The following MX1 variants were observed in gnomAD, a reference collection of about 807,000 sequenced individuals.
MX1 encodes MX dynamin like GTPase 1, also known as interferon-induced GTP-binding protein Mx1.
MX1 carries 66 observed loss-of-function variants against 66.4 expected under a neutral mutation model. The observed-to-expected ratio is 0.99, with a 90% CI of 0.82 to 1.22. The LOEUF (loss-of-function observed/expected upper bound fraction) is 1.22. MX1 is among the 50% of genes most tolerant of loss of function. The probability of loss-of-function intolerance (pLI) is 0.00; values close to 1 mark genes in which losing one functional copy is unlikely to be tolerated. For synonymous variants in MX1, 311 were observed against 318.1 expected (o/e 0.98, Z 0.24); for missense variants, 787 against 834.3 (o/e 0.94, Z 0.70).
intron 13 of MX1, among the ~76,000 whole-genome samples, chr21:41,447,885 G>T (rs1406526547): frequency 6.6e-6 from 1 of 152,060 alleles, no homozygotes; most frequent in Non-Finnish European, 1.5e-5. Context: ...GGGATTATAG[G>T]CACCTGTCTA....
rs2146213106 is a variant in MX1 at position 41,440,928 on chromosome 21, A to G, written c.633A>G (p.Thr211=). The change falls in exon 9 of 17, where the codon ACA becomes ACG. Residue 211 remains threonine, a synonymous_variant. Transcript: ENST00000398598. ...LIKKYIQRQE[T]ISLVVVPSNV... The stretch of plus-strand genomic sequence containing the variant: ...AGAAGTACATCCAGAGGCAGGAGAC[A>G]ATCAGCCTGGTGGTGGTCCCCAGTA... 1.2e-6 allele frequency: 2 copies of G among 1,614,202 alleles called. No individual in the cohort carries two copies. The highest frequency in any genetic ancestry group is 1.7e-6 in the Non-Finnish European group (2 of 1,180,010).
In MX1 at chr21:41,458,749, C is replaced by G. The variant is rs768798278; in HGVS notation, c.1980C>G (p.Phe660Leu). 7.4e-6 allele frequency: 12 copies of G among 1,610,978 alleles called. No homozygotes were observed. The South Asian group carries it at 1.3e-4, about 18-fold the overall frequency. The change falls in exon 17 of 17, where the codon TTC becomes TTG. Residue 660 changes from phenylalanine to leucine, a missense_variant. Transcript: ENST00000398598. ...AGGCTCGGCGCCGGCTTGCCCAGTT[C>G]CCCGGTTAACCACACTCTGTCCAGC... ...LTQARRRLAQ[F>L]PG
chr21:41,443,514 TGATGA>T, intron 10 of MX1: 1 of 471,410 alleles, frequency 2.1e-6, no homozygotes, highest in Admixed American at 3.6e-5. Flanking sequence ...TGTATTTTTG[TGATGA>T]CCAAGTCTAT....
intron 16 of MX1, among the ~76,000 whole-genome samples, chr21:41,453,902 G>A (rs1436619645): frequency 0.052 from 3 of 58 alleles, no homozygotes; most frequent in Non-Finnish European, 0.083. Flanking sequence ...AGAAATGCCT[G>A]AGTTAAGGCA....
chr21:41,429,689 G>C (rs1014330385), intron 3 of MX1: 6 of 152,004 alleles, frequency 3.9e-5, no homozygotes, highest in African/African-American at 1.5e-4. Flanking sequence ...GGCAGATTAC[G>C]AGGTCAGGAA....
upstream of MX1, among the ~76,000 whole-genome samples, chr21:41,423,951 G>A (rs1461595540): frequency 5.9e-5 from 9 of 152,304 alleles, no homozygotes; most frequent in South Asian, 1.4e-3. Context: ...CCTGGCTGAG[G>A]TTGTGCCTCT....
chr21:41,438,249 TA>T (rs925352548), intron 7 of MX1, among the ~76,000 whole-genome samples: 27 of 152,272 alleles, frequency 1.8e-4, no homozygotes, highest in African/African-American at 6.3e-4. Context: ...GATTTTGAAT[TA>T]GTTGGGATTA....
intron 10 of MX1, among the ~76,000 whole-genome samples, chr21:41,443,300 T>C (rs1179915970): frequency 6.6e-6 from 1 of 152,228 alleles, no homozygotes; most frequent in East Asian, 1.9e-4. Context: ...GATACTTGAC[T>C]TCCTTCCTCC....
At position 41,446,280 on chromosome 21, in the gene MX1, G is replaced by C; in HGVS notation, c.1273+139G>C. The C allele has an allele frequency of 6.2e-6, 5 of 806,244 alleles. No homozygotes were observed. The East Asian group carries it at 1.4e-4, about 22-fold the overall frequency. 49.9% of individuals were successfully genotyped at this position (806,244 alleles called of 1,614,324 possible). On this transcript the variant is annotated intron_variant, in intron 13 of 16. Coordinates refer to ENST00000398598, the MANE Select transcript of MX1 (RefSeq NM_002462.5). ...TAAGGAATCAGGAAATTTGGTGTCT[G>C]GTGAGAGCTTGTTCTCTGCTTCAAA...
intron 7 of MX1, 53 bp from the exon 8 acceptor site, chr21:41,439,641 A>C (rs752157687): frequency 6.4e-7 from 1 of 1,553,192 alleles, no homozygotes; most frequent in African/African-American, 1.4e-5. Flanking sequence ...CCATCATGAG[A>C]TCCGTTTATC....
intron 13 of MX1, among the ~76,000 whole-genome samples, chr21:41,448,884 C>T (rs1361905179): frequency 6.6e-6 from 1 of 151,552 alleles, no homozygotes; most frequent in Non-Finnish European, 1.5e-5. Context: ...TGGCTCTGCA[C>T]TCCCCTTCCT....
At chr21:41,427,131 ATGCTAACCGC>A (rs1416240459) in intron 1 of MX1, 65 bp from the exon 2 acceptor site, 10 of 152,266 alleles carry the variant, frequency 6.6e-5, no homozygotes, top group Admixed American at 1.3e-4. Flanking sequence ...GAGTCCAGTG[ATGCTAACCGC>A]GCCTCTACCT....
Position 41,441,106 on chromosome 21 carries a change from G to A in MX1, c.730+81G>A, listed in dbSNP as rs2090498681. ...TCGGTGAGAATGGGGGAGCCCACCT[G>A]TGCTCGGTGAGAATGGGGGAGCCCG... On this transcript the variant is annotated intron_variant, in intron 9 of 16. Transcript: ENST00000398598. The surrounding 1 kb of genome is among the most constrained non-coding windows in gnomAD (Gnocchi z 4.0). 2 of 1,290,798 alleles carry A rather than the reference G, an allele frequency of 1.5e-6. No homozygotes were observed. The highest frequency in any genetic ancestry group is 4.6e-5 in the Admixed American group (2 of 43,478). The allele number at this position is 1,290,798 out of a possible 1,614,324, so 80.0% of individuals were successfully genotyped here.
intron 11 of MX1, 148 bp downstream of exon 11, chr21:41,444,014 G>C: frequency 1.4e-6 from 1 of 734,668 alleles, no homozygotes. Context: ...TCTGGAGTGG[G>C]GCCTAGAATT....
rs143244310 is a variant in MX1, at chr21:41,452,719, G to C, written c.1608G>C (p.Gln536His). 4.6e-5 allele frequency: 75 copies of C among 1,614,166 alleles called. No homozygotes were observed. In the African/African-American group the frequency reaches 8.1e-4, roughly 17 times the overall value. The change falls in exon 16 of 17, where the codon CAG becomes CAC. Residue 536 changes from glutamine (Q) to histidine (H), a missense_variant. Transcript: ENST00000398598. Reference sequence around the variant, plus strand: ...AACAGATTGTCTACTGCCAGGACCAGGTATACAGGGGTGCATTGCAGAAGG... The same window carrying C: ...AACAGATTGTCTACTGCCAGGACCACGTATACAGGGGTGCATTGCAGAAGG... ...QMEQIVYCQD[Q>H]VYRGALQKVR...
chr21:41,436,855 C>G (rs1413130274), intron 6 of MX1, among the ~76,000 whole-genome samples, 160 bp from the exon 7 acceptor site: 1 of 152,204 alleles, frequency 6.6e-6, no homozygotes, highest in Non-Finnish European at 1.5e-5. Flanking sequence ...CACCCAGACA[C>G]AGTGCGATGT....
intron 7 of MX1, among the ~76,000 whole-genome samples, chr21:41,437,612 G>A (rs2090400823): frequency 6.6e-6 from 1 of 152,208 alleles, no homozygotes; most frequent in Non-Finnish European, 1.5e-5. Context: ...CGGCACTCTA[G>A]CCTGACAACA....
chr21:41,442,244 G>A (rs569270656), intron 10 of MX1, among the ~76,000 whole-genome samples: 32 of 152,056 alleles, frequency 2.1e-4, no homozygotes, highest in Non-Finnish European at 4.3e-4. Context: ...TAGGAAAAAA[G>A]TAGAAAGCCC....
At position 41,451,848 on chromosome 21, in the gene MX1, A is replaced by C. The variant is rs960748565; in HGVS notation, c.1509+605A>C. 7.6e-4 allele frequency among the ~76,000 whole-genome samples: 111 copies of C among 146,656 alleles called. 1 individual carries two copies. Among genetic ancestry groups the C allele is most frequent in the African/African-American group, 2.3e-3 (89 of 38,514 alleles). On this transcript the variant is annotated intron_variant, in intron 15 of 16. Coordinates refer to ENST00000398598, the MANE Select transcript of MX1 (RefSeq NM_002462.5). ...AGACCCCGTCTCAAAAAAAAAAAAAAAAACAAACAAAAAAACTTTCCATCC... is the reference window on the plus strand; with the variant it reads ...AGACCCCGTCTCAAAAAAAAAAAAACAAACAAACAAAAAAACTTTCCATCC...
Sources: allele counts gnomAD v4.1 joint callset (sites outside exome capture counted in the v4.1 genomes callset), GRCh38; gene constraint gnomAD v4.1.1; non-coding constraint Gnocchi (gnomAD v3.1); transcripts MANE v1.5; gene names NCBI Gene and HGNC (gene_info 2026-07-23, HGNC 2026-07-21).